The following TTC33 variants were observed in gnomAD, a reference collection of about 807,000 sequenced individuals.
TTC33 encodes tetratricopeptide repeat domain 33.
A neutral mutation model predicts 29.4 loss-of-function variants in TTC33; 24 were observed. The observed-to-expected ratio is 0.82, with a 90% CI of 0.59 to 1.15. The LOEUF (loss-of-function observed/expected upper bound fraction) is 1.15. Ranked by LOEUF, TTC33 falls within the 50% of genes most tolerant of loss-of-function variation. TTC33 has a pLI of 0.00. For synonymous variants in TTC33, 107 were observed against 100.3 expected (o/e 1.07, Z -0.40); for missense variants, 286 against 310.4 (o/e 0.92, Z 0.59).
intron 2 of TTC33, among the ~76,000 whole-genome samples, chr5:40,741,645 G>T (rs1320850084): frequency 6.6e-6 from 1 of 152,106 alleles, no homozygotes; most frequent in African/African-American, 2.4e-5. Context: ...TGGTCTATCT[G>T]GTTTCCTCTT....
chr5:40,749,661 T>C (rs1742858227), intron 1 of TTC33, among the ~76,000 whole-genome samples: 1 of 152,216 alleles, frequency 6.6e-6, no homozygotes. Flanking sequence ...GCACGGTCAG[T>C]TCCAGACCAC....
In TTC33 at chr5:40,714,185, TC is replaced by T. The variant is rs1442757200; in HGVS notation, c.*1959del. Among the ~76,000 whole-genome samples the T allele has an allele frequency of 6.6e-6, 1 of 152,128 alleles. No homozygotes were observed. Among genetic ancestry groups the T allele is most frequent in the Non-Finnish European group, 1.5e-5 (1 of 68,020 alleles). On this transcript the variant is annotated 3_prime_UTR_variant, in exon 5 of 5. Transcript: ENST00000337702. ...GACCCTGTCAAGAAAAATCCCACTATCTCTCCTATAATACTGGAATCAGAGA... is the reference window on the plus strand; with the variant it reads ...GACCCTGTCAAGAAAAATCCCACTATTCTCCTATAATACTGGAATCAGAGA...
rs559855582 is a variant in TTC33, at chr5:40,711,968, A to C, written c.*4177T>G. Among the ~76,000 whole-genome samples, 1 of 152,156 alleles carries C rather than the reference A, an allele frequency of 6.6e-6. No homozygotes were observed. Among genetic ancestry groups the C allele is most frequent in the African/African-American group, 2.4e-5 (1 of 41,432 alleles). On this transcript the variant is annotated 3_prime_UTR_variant, in exon 5 of 5. Coordinates refer to ENST00000337702, the MANE Select transcript of TTC33 (RefSeq NM_012382.3). ...TTAGAGAACTTTTTGGGTGATGGAC[A>C]CACACTATATCAGGATGGTAGTGGT...
In TTC33 at chr5:40,716,475, G is replaced by A; in HGVS notation, c.459C>T (p.Ala153=). 1 of 1,592,342 alleles carries A rather than the reference G, an allele frequency of 6.3e-7. No individual in the cohort carries two copies. The highest frequency in any genetic ancestry group is 8.5e-7 in the Non-Finnish European group (1 of 1,171,536). Residue 153 remains alanine, a synonymous_variant, in exon 5 of 5, where the codon GCC becomes GCT. Transcript: ENST00000337702. ...IILAIRSFQV[A]LHIYPMNPEI... ...CAGGGTTCATTGGATAGATGTGAAGGGCTACTTGAAAACTTCGAATTGCCT... is the reference window on the plus strand; with the variant it reads ...CAGGGTTCATTGGATAGATGTGAAGAGCTACTTGAAAACTTCGAATTGCCT...
chr5:40,718,328 C>A (rs1285243421), intron 4 of TTC33, among the ~76,000 whole-genome samples: 2 of 152,088 alleles, frequency 1.3e-5, no homozygotes, highest in Non-Finnish European at 2.9e-5. Context: ...ATTGTTTGAA[C>A]CCCGGAGGCA....
chr5:40,738,859 T>C (rs1243153755), intron 2 of TTC33, among the ~76,000 whole-genome samples: 4 of 152,188 alleles, frequency 2.6e-5, no homozygotes, highest in Non-Finnish European at 4.4e-5. Flanking sequence ...TTGTGAAGCA[T>C]CTGCTCCAAC....
At chr5:40,749,986 G>A (rs1254742312) in intron 1 of TTC33, among the ~76,000 whole-genome samples, 2 of 151,862 alleles carry the variant, frequency 1.3e-5, no homozygotes, top group Admixed American at 6.6e-5. Context: ...TATTCAGGAG[G>A]CTAAGGCAGG....
chr5:40,725,944 T>C (rs200959484), intron 4 of TTC33, among the ~76,000 whole-genome samples: 20 of 151,022 alleles, frequency 1.3e-4, no homozygotes, highest in East Asian at 5.8e-4. Flanking sequence ...CGCCACCACG[T>C]CCAGCTAATT....
intron 2 of TTC33, among the ~76,000 whole-genome samples, chr5:40,733,293 G>A (rs1373491968): frequency 6.6e-6 from 1 of 152,082 alleles, no homozygotes; most frequent in Admixed American, 6.6e-5. Context: ...CTAGAGCAAG[G>A]GGTGGCATAG....
chr5:40,711,965 G>A lies in TTC33; in HGVS notation c.*4180C>T, dbSNP rs1229769713. ...GCTTTAGAGAACTTTTTGGGTGATG[G>A]ACACACACTATATCAGGATGGTAGT... On this transcript the variant is annotated 3_prime_UTR_variant, in exon 5 of 5. Transcript: ENST00000337702. 6.6e-6 allele frequency among the ~76,000 whole-genome samples: 1 copy of A among 152,078 alleles called. No individual in the cohort carries two copies. The highest frequency in any genetic ancestry group is 2.4e-5 in the African/African-American group (1 of 41,420).
At chr5:40,752,897 A>C (rs1742921275) in intron 1 of TTC33, among the ~76,000 whole-genome samples, 1 of 152,208 alleles carries the variant, frequency 6.6e-6, no homozygotes, top group African/African-American at 2.4e-5. Context: ...AAGCACAATA[A>C]AATGATCCCT....
At chr5:40,720,383 T>C (rs1283172003) in intron 4 of TTC33, among the ~76,000 whole-genome samples, 1 of 152,234 alleles carries the variant, frequency 6.6e-6, no homozygotes, top group African/African-American at 2.4e-5. Flanking sequence ...TACTTTCAGT[T>C]CTATCCCACT....
chr5:40,716,421 T>A lies in TTC33; in HGVS notation c.513A>T (p.Ala171=). 1 of 1,613,904 alleles carries A rather than the reference T, an allele frequency of 6.2e-7. No homozygotes were observed. Reference sequence around the variant, plus strand: ...CCTTCTGCTGCTCCTGGAGCGTTCTTGCCCAAGAGAGGTCTTCTTTCCATA... The same window carrying A: ...CCTTCTGCTGCTCCTGGAGCGTTCTAGCCCAAGAGAGGTCTTCTTTCCATA... ...PEIWKEDLSW[A]RTLQEQQKVA... Residue 171 remains alanine, a synonymous_variant, in exon 5 of 5, where the codon GCA becomes GCT. Coordinates refer to ENST00000337702, the MANE Select transcript of TTC33 (RefSeq NM_012382.3).
At chr5:40,737,662 C>T (rs1418937603) in intron 2 of TTC33, among the ~76,000 whole-genome samples, 5 of 152,142 alleles carry the variant, frequency 3.3e-5, no homozygotes, top group Non-Finnish European at 7.3e-5. Flanking sequence ...TGTATATACT[C>T]ATGTAAATAC....
In TTC33 at chr5:40,728,689, A is replaced by G. The variant is rs548002985; in HGVS notation, c.304-213T>C. ...TGAAAATGTAAACGATTCCCTTTCCAGTTATTGAATCTTATGTCCATCTGG... is the reference window on the plus strand; with the variant it reads ...TGAAAATGTAAACGATTCCCTTTCCGGTTATTGAATCTTATGTCCATCTGG... On this transcript the variant is annotated intron_variant, in intron 3 of 4. Transcript: ENST00000337702. 3.9e-5 allele frequency among the ~76,000 whole-genome samples: 6 copies of G among 152,212 alleles called. No homozygotes were observed. The East Asian group carries it at 1.2e-3, about 29-fold the overall frequency.
chr5:40,749,062 G>T (rs370446112), intron 1 of TTC33, among the ~76,000 whole-genome samples: 1 of 152,070 alleles, frequency 6.6e-6, no homozygotes, highest in African/African-American at 2.4e-5. Flanking sequence ...GGAGGCGGAG[G>T]TTGCAGTGAG....
chr5:40,745,501 T>C (rs1260269074), intron 2 of TTC33, among the ~76,000 whole-genome samples: 2 of 151,908 alleles, frequency 1.3e-5, no homozygotes, highest in Admixed American at 1.3e-4. Context: ...TGAGTCTAGA[T>C]AGAGGAAATA....
At chr5:40,754,481 G>T (rs1742950262) in intron 1 of TTC33, among the ~76,000 whole-genome samples, 1 of 152,128 alleles carries the variant, frequency 6.6e-6, no homozygotes, top group African/African-American at 2.4e-5. Context: ...CTGAGTTCTT[G>T]AGAAAAAGGG....
intron 1 of TTC33, among the ~76,000 whole-genome samples, chr5:40,748,723 T>C (rs1274897482): frequency 1.3e-5 from 2 of 152,224 alleles, no homozygotes; most frequent in African/African-American, 4.8e-5. Flanking sequence ...GATGAGTACA[T>C]AGTGTTCATT....
Sources: allele counts gnomAD v4.1 joint callset (sites outside exome capture counted in the v4.1 genomes callset), GRCh38; gene constraint gnomAD v4.1.1; transcripts MANE v1.5; gene names NCBI Gene and HGNC (gene_info 2026-07-23, HGNC 2026-07-21).